The following PROS1 variants were observed in gnomAD, a reference collection of about 807,000 sequenced individuals.
The protein encoded by PROS1 is protein S.
In PROS1, 29 loss-of-function variants were observed where a neutral mutation model predicts 75.9. The ratio of observed to expected loss-of-function variants is 0.38; its 90% CI spans 0.28 to 0.52. PROS1 has a LOEUF of 0.52. Ranked by LOEUF, PROS1 falls within the 20% of genes least tolerant of loss-of-function variation. The pLI, the probability that PROS1 is intolerant of heterozygous loss-of-function variation, is 0.83. For synonymous variants in PROS1, 245 were observed against 280.6 expected (o/e 0.87, Z 1.27); for missense variants, 680 against 810.3 (o/e 0.84, Z 1.95).
intron 1 of PROS1, among the ~76,000 whole-genome samples, chr3:93,960,968 A>G (rs1709697936): frequency 6.6e-6 from 1 of 152,026 alleles, no homozygotes; most frequent in Non-Finnish European, 1.5e-5. Context: ...TTTTTTAAAT[A>G]TTAGAGACTA....
intron 1 of PROS1, among the ~76,000 whole-genome samples, chr3:93,960,735 T>C (rs1709694344): frequency 6.6e-6 from 1 of 151,970 alleles, no homozygotes; most frequent in African/African-American, 2.4e-5. Context: ...GTGTTATCAC[T>C]TCATAGACCA....
chr3:93,954,426 T>C (rs1305505540), intron 1 of PROS1, among the ~76,000 whole-genome samples: 1 of 151,934 alleles, frequency 6.6e-6, no homozygotes, highest in African/African-American at 2.4e-5. Context: ...ATACCACACA[T>C]CTACAACCAC....
intron 1 of PROS1, among the ~76,000 whole-genome samples, chr3:93,929,969 G>A (rs1450276124): frequency 1.3e-5 from 2 of 151,980 alleles, no homozygotes; most frequent in African/African-American, 2.4e-5. Context: ...ATACTCAAAA[G>A]TTGACAATAG....
chr3:93,901,413 T>C (rs1708591529), intron 6 of PROS1, among the ~76,000 whole-genome samples: 1 of 152,224 alleles, frequency 6.6e-6, no homozygotes, highest in Non-Finnish European at 1.5e-5. Context: ...TACTTATAAA[T>C]CTGCAGTTAA....
At chr3:93,926,784 T>G (rs1709025327) in intron 2 of PROS1, among the ~76,000 whole-genome samples, 1 of 152,244 alleles carries the variant, frequency 6.6e-6, no homozygotes, top group Non-Finnish European at 1.5e-5. Flanking sequence ...CACTATCAAA[T>G]TCTGGTTAGA....
intron 9 of PROS1, among the ~76,000 whole-genome samples, chr3:93,894,177 T>C (rs1478804435): frequency 1.3e-5 from 2 of 152,076 alleles, no homozygotes; most frequent in East Asian, 1.9e-4. Context: ...TACCGCAATA[T>C]AGTAAAATAG....
intron 9 of PROS1, among the ~76,000 whole-genome samples, chr3:93,894,485 G>T (rs185045820): frequency 8.7e-4 from 132 of 152,208 alleles, no homozygotes; most frequent in Admixed American, 3.4e-3. Flanking sequence ...ATCTGTGTAT[G>T]CTCAGGATCT....
intron 1 of PROS1, among the ~76,000 whole-genome samples, chr3:93,936,513 T>A (rs1182041431): frequency 6.6e-6 from 1 of 152,172 alleles, no homozygotes; most frequent in Non-Finnish European, 1.5e-5. Context: ...TATAGCTCTG[T>A]TGTGCTTTCT....
rs530452248 is a variant in PROS1, at chr3:93,967,995, C to T, written c.76+5679G>A. ...TATCATTAAGTTGATACACAACCTC[C>T]AACTGGCAAATTTGACTGGCTTAAA... is the stretch of plus-strand genomic sequence containing the variant. On this transcript the variant is annotated intron_variant, in intron 1 of 14. Coordinates refer to ENST00000394236, the MANE Select transcript of PROS1 (RefSeq NM_000313.4). 3.3e-5 allele frequency: 5 copies of T among 152,194 alleles called. No homozygotes were observed. The East Asian group carries it at 7.7e-4, about 23-fold the overall frequency. 9.4% of individuals were successfully genotyped at this position (152,194 alleles called of 1,614,324 possible).
intron 1 of PROS1, among the ~76,000 whole-genome samples, chr3:93,950,138 C>T (rs997979575): frequency 1.1e-4 from 16 of 152,168 alleles, no homozygotes; most frequent in East Asian, 7.7e-4. Flanking sequence ...TGGGGGGAAG[C>T]GCGTCTGCCA....
At position 93,879,156 on chromosome 3, in the gene PROS1, A is replaced by C. The variant is rs774150892; in HGVS notation, c.1644+7T>G. On this transcript the variant is annotated splice_region_variant and intron_variant, in intron 13 of 14. Transcript: ENST00000394236. ...ACAAGGCTTATATAGGTTTAGAGTT[A>C]AGTTACCTGTGATTTTTCAGAGGTG... 6.2e-7 allele frequency: 1 copy of C among 1,613,358 alleles called. No individual in the cohort carries two copies. Among genetic ancestry groups the C allele is most frequent in the South Asian group, 1.1e-5 (1 of 90,998 alleles).
At chr3:93,964,842 C>A (rs1293047706) in intron 1 of PROS1, among the ~76,000 whole-genome samples, 3 of 152,150 alleles carry the variant, frequency 2.0e-5, no homozygotes, top group Non-Finnish European at 4.4e-5. Flanking sequence ...TGTACTCTTT[C>A]TCTTTATTTC....
chr3:93,908,443 A>G (rs990077349), intron 4 of PROS1, among the ~76,000 whole-genome samples: 1 of 152,186 alleles, frequency 6.6e-6, no homozygotes, highest in Non-Finnish European at 1.5e-5. Context: ...GGGGAGATCA[A>G]ATTAGAATTC....
At chr3:93,949,813 C>A (rs190559727) in intron 1 of PROS1, among the ~76,000 whole-genome samples, 3 of 152,070 alleles carry the variant, frequency 2.0e-5, no homozygotes, top group Admixed American at 6.6e-5. Context: ...ACTGAGGTAC[C>A]GGGTTCATGT....
intron 1 of PROS1, among the ~76,000 whole-genome samples, chr3:93,964,396 C>T (rs556981722): frequency 5.5e-4 from 83 of 152,142 alleles, no homozygotes; most frequent in Non-Finnish European, 9.3e-4. Context: ...CCTGGGGGGC[C>T]GCTTATAAAC....
intron 1 of PROS1, among the ~76,000 whole-genome samples, chr3:93,948,076 T>C (rs974370476): frequency 2.0e-5 from 3 of 152,134 alleles, no homozygotes; most frequent in Non-Finnish European, 2.9e-5. Context: ...AACTACCTAG[T>C]TTACCCAGCT....
chr3:93,890,147 C>T (rs548190427), intron 10 of PROS1, among the ~76,000 whole-genome samples: 6 of 152,206 alleles, frequency 3.9e-5, no homozygotes, highest in South Asian at 4.2e-4. Context: ...GAAATACGCC[C>T]GGGTCTCCTG....
intron 2 of PROS1, among the ~76,000 whole-genome samples, chr3:93,924,639 T>G (rs1708989298): frequency 6.6e-6 from 1 of 151,816 alleles, no homozygotes; most frequent in African/African-American, 2.4e-5. Flanking sequence ...CCAGATTCAA[T>G]GTTGAATCAC....
In PROS1 at chr3:93,973,746, T is replaced by G. The variant is rs1415407321; in HGVS notation, c.4A>C (p.Arg2=). The G allele has an allele frequency of 6.2e-7, 1 of 1,612,290 alleles. No homozygotes were observed. The highest frequency in any genetic ancestry group is 1.3e-5 in the African/African-American group (1 of 74,778). M[R]VLGGRCGALL... Reference sequence around the variant, plus strand: ...GCCCCGCAGCGCCCACCCAGGACCCTCATTTCGAAGCGCGCGGAGGCGCCG... The same window carrying G: ...GCCCCGCAGCGCCCACCCAGGACCCGCATTTCGAAGCGCGCGGAGGCGCCG... The change falls in exon 1 of 15, where the codon AGG becomes CGG. Residue 2 remains arginine (R), a synonymous_variant. Transcript: ENST00000394236.
Sources: gnomAD v4.1 joint callset for allele counts (sites outside exome capture counted in the v4.1 genomes callset) on GRCh38, gnomAD v4.1.1 for gene constraint, MANE v1.5 for transcripts, NCBI Gene and HGNC (gene_info 2026-07-23, HGNC 2026-07-21) for gene names.